The following ZNF710 variants were observed in gnomAD, a reference collection of about 807,000 sequenced individuals.
ZNF710 encodes the protein zinc finger protein 710.
A neutral mutation model predicts 50.6 loss-of-function variants in ZNF710; 13 were observed. The observed-to-expected ratio is 0.26, with a 90% CI of 0.17 to 0.41. The LOEUF (loss-of-function observed/expected upper bound fraction) is 0.41. Among genes scored for constraint, ZNF710 ranks in the 10% least tolerant of loss-of-function variants. The probability of loss-of-function intolerance (pLI) is 1.00; values close to 1 mark genes in which losing one functional copy is unlikely to be tolerated. For missense variants in ZNF710, 721 were observed against 936.6 expected (o/e 0.77, Z 3.01); for synonymous variants, 383 against 397.0 (o/e 0.96, Z 0.42).
intron 1 of ZNF710, among the ~76,000 whole-genome samples, chr15:90,010,059 A>G (rs1898257868): frequency 1.3e-5 from 2 of 151,802 alleles, no homozygotes; most frequent in African/African-American, 2.4e-5. Context: ...TTTTTGTACC[A>G]TTCTTTCCTG....
chr15:90,055,171 A>G (rs1294143518), intron 1 of ZNF710, among the ~76,000 whole-genome samples: 2 of 152,316 alleles, frequency 1.3e-5, no homozygotes, highest in Non-Finnish European at 1.5e-5. Context: ...TAAAGTTACA[A>G]TAAGGTCCAG....
intron 1 of ZNF710, among the ~76,000 whole-genome samples, chr15:90,016,182 TAGAA>T (rs1898451208): frequency 6.6e-6 from 1 of 152,056 alleles, no homozygotes; most frequent in African/African-American, 2.4e-5. Context: ...AAAGGATGGG[TAGAA>T]AGAAAGGAGG....
At position 90,034,633 on chromosome 15, in the gene ZNF710, T is replaced by C. The variant is rs1899060734; in HGVS notation, c.-28-32477T>C. On this transcript the variant is annotated intron_variant, in intron 1 of 4. Coordinates refer to ENST00000268154, the MANE Select transcript of ZNF710 (RefSeq NM_198526.4). This position sits in a 1 kb window ranked among gnomAD's most constrained non-coding sequence, Gnocchi z 4.0. Reference sequence around the variant, plus strand: ...GGCTGAGCCTCCTCCGGCCTCTGCCTCACCCGCCAGCTCTTCTCACCCCTT... The same window carrying C: ...GGCTGAGCCTCCTCCGGCCTCTGCCCCACCCGCCAGCTCTTCTCACCCCTT... 6.6e-6 allele frequency among the ~76,000 whole-genome samples: 1 copy of C among 152,104 alleles called. No individual in the cohort carries two copies. The highest frequency in any genetic ancestry group is 1.5e-5 in the Non-Finnish European group (1 of 68,030).
At chr15:90,002,062 G>A (rs1191368828) in intron 1 of ZNF710, among the ~76,000 whole-genome samples, 2 of 151,314 alleles carry the variant, frequency 1.3e-5, no homozygotes, top group Non-Finnish European at 3.0e-5. Context: ...GGAGGCGACG[G>A]TGGCGGAGGC....
intron 1 of ZNF710, among the ~76,000 whole-genome samples, chr15:90,016,272 A>G (rs1461747877): frequency 6.6e-6 from 1 of 152,210 alleles, no homozygotes; most frequent in Admixed American, 6.5e-5. Flanking sequence ...AATACTCTCC[A>G]GAAACTGGTG....
intron 2 of ZNF710, among the ~76,000 whole-genome samples, chr15:90,071,463 G>A (rs775748203): frequency 3.3e-5 from 5 of 151,850 alleles, no homozygotes; most frequent in East Asian, 1.9e-4. Flanking sequence ...GTGTCAGGAG[G>A]GGGTATACAG....
intron 1 of ZNF710, among the ~76,000 whole-genome samples, chr15:90,016,675 A>T (rs1264746925): frequency 2.0e-5 from 3 of 151,954 alleles, no homozygotes; most frequent in Admixed American, 2.0e-4. Context: ...TGATTCTTCC[A>T]CCTTGGCTTC....
chr15:90,001,570 C>A lies in ZNF710; in HGVS notation c.-73C>A. The stretch of plus-strand genomic sequence containing the variant: ...CAGGAGCCCCCGGCCCGGCCCGGCC[C>A]GGCCCGCCGAGGGCCCCAGCGCAGG... On this transcript the variant is annotated 5_prime_UTR_variant, in exon 1 of 5. Transcript: ENST00000268154. 6.8e-6 allele frequency: 1 copy of A among 146,158 alleles called. No homozygotes were observed. Among genetic ancestry groups the A allele is most frequent in the South Asian group, 1.9e-4 (1 of 5,360 alleles). 9.1% of individuals were successfully genotyped at this position (146,158 alleles called of 1,614,324 possible).
chr15:90,001,595 G>A lies in ZNF710; in HGVS notation c.-48G>A, dbSNP rs1054030745. On this transcript the variant is annotated 5_prime_UTR_variant, in exon 1 of 5. Transcript: ENST00000268154. ...CGGCCCGCCGAGGGCCCCAGCGCAG[G>A]AGCCGCGCCCGGACCCAGGGTGAGT... 4 of 145,106 alleles carry A rather than the reference G, an allele frequency of 2.8e-5. No homozygotes were observed. The highest frequency in any genetic ancestry group is 6.1e-5 in the Non-Finnish European group (4 of 65,070). 9.0% of individuals were successfully genotyped at this position (145,106 alleles called of 1,614,324 possible). A position where few individuals can be genotyped will look rare whatever the true frequency, so the allele number is the denominator to read the frequency against.
intron 1 of ZNF710, among the ~76,000 whole-genome samples, chr15:90,030,821 C>A (rs1898919154): frequency 6.6e-6 from 1 of 151,930 alleles, no homozygotes; most frequent in South Asian, 2.1e-4. Context: ...TCAAGACCAT[C>A]CTGGCTAACA....
chr15:90,024,933 A>G (rs1898731204), intron 1 of ZNF710: 1 of 152,290 alleles, frequency 6.6e-6, no homozygotes, highest in Admixed American at 6.5e-5. Flanking sequence ...GGTCTCTGGC[A>G]GTTGACCTTG....
Position 90,047,775 on chromosome 15 carries a change from C to T in ZNF710, c.-28-19335C>T, listed in dbSNP as rs577650918. On this transcript the variant is annotated intron_variant, in intron 1 of 4. Transcript: ENST00000268154. ...ATTTTTGTATTTTTTCTAGTAGAGG[C>T]GGCATTTCACCATGTTGGCCAGGCT... Among the ~76,000 whole-genome samples the T allele has an allele frequency of 1.4e-4, 21 of 151,948 alleles. No homozygotes were observed. In the South Asian group the frequency reaches 3.9e-3, roughly 29 times the overall value.
chr15:90,077,246 T>C (rs1900612989), intron 4 of ZNF710, among the ~76,000 whole-genome samples: 1 of 145,492 alleles, frequency 6.9e-6, no homozygotes, highest in African/African-American at 2.6e-5. Flanking sequence ...GTGCTTTTTT[T>C]TTTTTTTTTT....
rs1281214147 is a variant in ZNF710, at chr15:90,078,816, C to T, written c.1826-844C>T. On this transcript the variant is annotated intron_variant, in intron 4 of 4. Coordinates refer to ENST00000268154, the MANE Select transcript of ZNF710 (RefSeq NM_198526.4). The stretch of plus-strand genomic sequence containing the variant: ...CCTGGGGTCTGTTTCCCCCAAAACA[C>T]GCACATCTCAGCGGACAGGGCCAGA... Among the ~76,000 whole-genome samples, 7 of 152,354 alleles carry T rather than the reference C, an allele frequency of 4.6e-5. No individual in the cohort carries two copies. In the South Asian group the frequency reaches 8.3e-4, roughly 18 times the overall value.
intron 1 of ZNF710, among the ~76,000 whole-genome samples, chr15:90,042,177 G>A (rs1443641974): frequency 5.9e-5 from 9 of 152,116 alleles, no homozygotes; most frequent in Admixed American, 3.3e-4. Context: ...GATTACAGGC[G>A]AGAGCCACCG....
At chr15:90,069,545 C>T (rs1337159306) in intron 2 of ZNF710, among the ~76,000 whole-genome samples, 2 of 152,148 alleles carry the variant, frequency 1.3e-5, no homozygotes, top group East Asian at 1.9e-4. Flanking sequence ...AACAGGGAGG[C>T]GTCCTGGCTC....
intron 1 of ZNF710, among the ~76,000 whole-genome samples, chr15:90,010,924 T>G (rs1280351422): frequency 8.2e-6 from 1 of 122,042 alleles, no homozygotes; most frequent in Non-Finnish European, 1.6e-5. Flanking sequence ...GTTGTTGGTT[T>G]TTTGTTTTTT....
At chr15:90,026,622 T>C (rs1567225177) in intron 1 of ZNF710, among the ~76,000 whole-genome samples, 1 of 152,150 alleles carries the variant, frequency 6.6e-6, no homozygotes, top group Non-Finnish European at 1.5e-5. Flanking sequence ...AGAGACTATT[T>C]TGAAGCATGA....
chr15:90,068,409 C>G lies in ZNF710; in HGVS notation c.1272C>G (p.Arg424=). The G allele has an allele frequency of 6.2e-7, 1 of 1,613,904 alleles. No individual in the cohort carries two copies. The highest frequency in any genetic ancestry group is 8.5e-7 in the Non-Finnish European group (1 of 1,180,012). ...LDFSTLTQLK[R]HLASHQGPTL... ...TCTCCACCCTGACCCAGCTCAAGCG[C>G]CACCTGGCCTCCCACCAGGGCCCCA... The change falls in exon 2 of 5, where the codon CGC becomes CGG. Residue 424 remains arginine, a synonymous_variant. Coordinates refer to ENST00000268154, the MANE Select transcript of ZNF710 (RefSeq NM_198526.4). This position sits in a 1 kb window ranked among gnomAD's most constrained non-coding sequence, Gnocchi z 5.0.
Sources: allele counts gnomAD v4.1 joint callset (sites outside exome capture counted in the v4.1 genomes callset), GRCh38; gene constraint gnomAD v4.1.1; non-coding constraint Gnocchi (gnomAD v3.1); transcripts MANE v1.5; gene names NCBI Gene and HGNC (gene_info 2026-07-23, HGNC 2026-07-21).